Variants in MACROD2 observed in about 807,000 individuals in gnomAD.
The protein encoded by MACROD2 is mono-ADP ribosylhydrolase 2.
Under a neutral mutation model 70.4 loss-of-function variants are expected in MACROD2, and 36 were observed. The observed-to-expected ratio is 0.51, with a 90% CI of 0.39 to 0.68. MACROD2 has a LOEUF of 0.68. MACROD2 is among the 30% of genes least tolerant of loss of function. MACROD2 has a pLI of 0.00. For missense variants in MACROD2, 496 were observed against 538.4 expected (o/e 0.92, Z 0.78); for synonymous variants, 172 against 178.8 (o/e 0.96, Z 0.30).
intron 5 of MACROD2, among the ~76,000 whole-genome samples, chr20:14,843,327 T>C (rs1342189277): frequency 1.3e-5 from 2 of 151,728 alleles, no homozygotes; most frequent in African/African-American, 4.8e-5. Context: ...ATCTGCATGT[T>C]TGTATATATT....
chr20:14,748,514 A>C (rs148108397), intron 5 of MACROD2, among the ~76,000 whole-genome samples: 11 of 152,184 alleles, frequency 7.2e-5, no homozygotes, highest in African/African-American at 2.7e-4. Context: ...CTTTGTAGGG[A>C]GGTCACCTTT....
intron 3 of MACROD2, among the ~76,000 whole-genome samples, chr20:14,209,141 C>T (rs915822903): frequency 6.6e-6 from 1 of 152,182 alleles, no homozygotes; most frequent in Non-Finnish European, 1.5e-5. Flanking sequence ...ATTATAACCT[C>T]AGTAAAGAAT....
intron 5 of MACROD2, among the ~76,000 whole-genome samples, chr20:15,225,597 A>AT (rs947841820): frequency 5.3e-5 from 8 of 152,028 alleles, no homozygotes; most frequent in African/African-American, 1.7e-4. Flanking sequence ...CGGTAGAGGA[A>AT]TTTTTTTTAA....
At chr20:14,717,000 A>G (rs2071404200) in intron 5 of MACROD2, among the ~76,000 whole-genome samples, 1 of 152,150 alleles carries the variant, frequency 6.6e-6, no homozygotes. Flanking sequence ...CAAAGAAATA[A>G]AAACTCTTCA....
intron 5 of MACROD2, among the ~76,000 whole-genome samples, chr20:14,741,897 A>T (rs1276286956): frequency 6.6e-6 from 1 of 152,152 alleles, no homozygotes; most frequent in African/African-American, 2.4e-5. Flanking sequence ...AAAATGCATT[A>T]AGCACTTTCA....
chr20:15,257,394 T>A (rs1030631669), intron 6 of MACROD2, among the ~76,000 whole-genome samples: 1 of 152,080 alleles, frequency 6.6e-6, no homozygotes, highest in African/African-American at 2.4e-5. Flanking sequence ...ATGACACTTA[T>A]TGAGAACCTA....
chr20:15,742,322 C>T (rs1298809319), intron 8 of MACROD2, among the ~76,000 whole-genome samples: 1 of 152,154 alleles, frequency 6.6e-6, no homozygotes, highest in East Asian at 1.9e-4. Flanking sequence ...AAGCTGTCTA[C>T]AGAAGCAAAA....
chr20:14,854,643 G>A (rs369598567), intron 5 of MACROD2, among the ~76,000 whole-genome samples: 2 of 152,104 alleles, frequency 1.3e-5, no homozygotes, highest in South Asian at 2.1e-4. Flanking sequence ...TCACTCAAAA[G>A]TAAACATCTG....
Position 15,104,774 on chromosome 20 carries a change from A to T in MACROD2, c.419-125166A>T, listed in dbSNP as rs369273177. Among the ~76,000 whole-genome samples, 11 of 152,262 alleles carry T rather than the reference A, an allele frequency of 7.2e-5. 1 individual carries two copies. In the South Asian group the frequency reaches 2.3e-3, roughly 32 times the overall value. On this transcript the variant is annotated intron_variant, in intron 5 of 17. Coordinates refer to ENST00000684519, the MANE Select transcript of MACROD2 (RefSeq NM_001351661.2). The stretch of plus-strand genomic sequence containing the variant: ...CTTGAATATGGGATTTAGATCATTA[A>T]CTTTATATGCCATATTTAAAAAGCA...
At chr20:15,367,821 G>C (rs1043085943) in intron 6 of MACROD2, among the ~76,000 whole-genome samples, 2 of 151,918 alleles carry the variant, frequency 1.3e-5, no homozygotes, top group African/African-American at 4.8e-5. Context: ...AATACCACAT[G>C]TATACGTTAG....
At chr20:15,886,885 T>C (rs1388182055) in intron 10 of MACROD2, among the ~76,000 whole-genome samples, 1 of 152,156 alleles carries the variant, frequency 6.6e-6, no homozygotes, top group Non-Finnish European at 1.5e-5. Context: ...TGGACCATAG[T>C]AAAGATTCAG....
At chr20:14,361,176 T>A (rs1411831058) in intron 3 of MACROD2, among the ~76,000 whole-genome samples, 1 of 152,180 alleles carries the variant, frequency 6.6e-6, no homozygotes, top group Non-Finnish European at 1.5e-5. Context: ...TGGGGGCACA[T>A]CTAGGTTTGA....
At chr20:15,241,529 T>C (rs1039750694) in intron 6 of MACROD2, among the ~76,000 whole-genome samples, 2 of 152,154 alleles carry the variant, frequency 1.3e-5, no homozygotes, top group Non-Finnish European at 2.9e-5. Flanking sequence ...ATAGTAATAA[T>C]ATAACCCTCA....
At chr20:14,470,047 T>TG (rs1411654102) in intron 3 of MACROD2, among the ~76,000 whole-genome samples, 2 of 152,110 alleles carry the variant, frequency 1.3e-5, no homozygotes, top group Non-Finnish European at 2.9e-5. Context: ...TGAGCTGTTT[T>TG]TTATTCATTT....
intron 8 of MACROD2, among the ~76,000 whole-genome samples, chr20:15,736,558 G>T (rs55875702): frequency 0.68 from 103,512 of 151,994 alleles, 38,033 homozygotes; most frequent in Non-Finnish European, 0.83. Flanking sequence ...AATTTGAGTA[G>T]AGGAGATAAT....
chr20:15,983,682 C>G (rs1258712004), intron 13 of MACROD2, among the ~76,000 whole-genome samples: 2 of 152,290 alleles, frequency 1.3e-5, no homozygotes, highest in East Asian at 3.9e-4. Flanking sequence ...AGCTACCACG[C>G]AGCCTACGCC....
At chr20:14,051,805 G>C (rs2053571276) in intron 2 of MACROD2, 1 of 461,910 alleles carries the variant, frequency 2.2e-6, no homozygotes, top group Admixed American at 2.3e-5. Flanking sequence ...ACAGAGGTTT[G>C]TAGTGGTATT....
chr20:15,660,919 A>T lies in MACROD2; in HGVS notation c.645+161072A>T, dbSNP rs74773850. ...CTTTGTACTGAAGCTTTTAGAAAAG[A>T]GCAACCTCTTTTTTCAAAACAAAGT... On this transcript the variant is annotated intron_variant, in intron 8 of 17. Transcript: ENST00000684519. 1.2e-4 allele frequency among the ~76,000 whole-genome samples: 18 copies of T among 152,330 alleles called. 1 individual carries two copies. The East Asian group carries it at 3.5e-3, about 29-fold the overall frequency.
chr20:15,885,886 T>C, intron 10 of MACROD2, 75 bp downstream of exon 10: 1 of 1,368,292 alleles, frequency 7.3e-7, no homozygotes, highest in Non-Finnish European at 9.7e-7. Flanking sequence ...TCATATTTTT[T>C]CAACGAAAGA....
Sources: allele counts gnomAD v4.1 joint callset (sites outside exome capture counted in the v4.1 genomes callset), GRCh38; gene constraint gnomAD v4.1.1; transcripts MANE v1.5; gene names NCBI Gene and HGNC (gene_info 2026-07-23, HGNC 2026-07-21).